The following CDIP1 variants were observed in gnomAD, a reference collection of about 807,000 sequenced individuals.
CDIP1 encodes the protein cell death inducing p53 target 1.
Under a neutral mutation model 17.7 loss-of-function variants are expected in CDIP1, and 9 were observed. The ratio of observed to expected loss-of-function variants is 0.51; its 90% CI spans 0.31 to 0.89. The LOEUF (loss-of-function observed/expected upper bound fraction) is 0.89, where lower values mean the gene tolerates loss of function less well. Among genes scored for constraint, CDIP1 ranks in the 40% least tolerant of loss-of-function variants. CDIP1 has a pLI of 0.05. For synonymous variants in CDIP1, 117 were observed against 109.5 expected (o/e 1.07, Z -0.43); for missense variants, 263 against 277.9 (o/e 0.95, Z 0.38).
At chr16:4,525,652 G>C (rs994264582) in intron 1 of CDIP1, among the ~76,000 whole-genome samples, 3 of 152,194 alleles carry the variant, frequency 2.0e-5, no homozygotes, top group Non-Finnish European at 4.4e-5. Context: ...GCTGACCAGA[G>C]GGACCCTATT....
Position 4,514,147 on chromosome 16 carries a change from G to T in CDIP1, c.-14-3C>A. The T allele has an allele frequency of 1.3e-6, 2 of 1,501,216 alleles. No individual in the cohort carries two copies. The highest frequency in any genetic ancestry group is 1.8e-6 in the Non-Finnish European group (2 of 1,121,598). The allele number at this position is 1,501,216 out of a possible 1,614,324, so 93.0% of individuals were successfully genotyped here. A position where few individuals can be genotyped will look rare whatever the true frequency, so the allele number is the denominator to read the frequency against. On this transcript the variant is annotated splice_polypyrimidine_tract_variant and splice_region_variant and intron_variant, in intron 2 of 5. Coordinates refer to ENST00000567695, the MANE Select transcript of CDIP1 (RefSeq NM_013399.3). This position sits in a 1 kb window ranked among gnomAD's most constrained non-coding sequence, Gnocchi z 5.2. ...GCTGGACATCTTCGCTGCTTCTCCT[G>T]GACATGGAGGGAAAACCCAGACATG...
At chr16:4,518,244 G>C (rs2058908326) in intron 1 of CDIP1, among the ~76,000 whole-genome samples, 1 of 152,240 alleles carries the variant, frequency 6.6e-6, no homozygotes, top group African/African-American at 2.4e-5. Context: ...AAAGTCAACA[G>C]ATATAATCCT....
intron 1 of CDIP1, among the ~76,000 whole-genome samples, chr16:4,523,323 G>T (rs1040732244): frequency 3.9e-5 from 6 of 152,204 alleles, no homozygotes; most frequent in African/African-American, 1.4e-4. Context: ...AGACCATCCT[G>T]GCCAACACGG....
intron 1 of CDIP1, among the ~76,000 whole-genome samples, chr16:4,521,821 T>C (rs1302252785): frequency 6.6e-6 from 1 of 151,636 alleles, no homozygotes; most frequent in Non-Finnish European, 1.5e-5. Flanking sequence ...TCTTCCTCTG[T>C]AAACAGAGAT....
chr16:4,513,769 C>A lies in CDIP1; in HGVS notation c.168G>T (p.Pro56=). The change falls in exon 4 of 6, where the codon CCG becomes CCT. Residue 56 remains proline, a synonymous_variant. Transcript: ENST00000567695. This position sits in a 1 kb window ranked among gnomAD's most constrained non-coding sequence, Gnocchi z 4.1. ...PADIGPPPYE[P]PGHPMPQPGF... is the part of the protein sequence containing the mutation. ...CAGGCTGGGGCATTGGGTGACCCGG[C>A]GGCTCATAGGGTGGGGGGCCAATGT... 6.2e-7 allele frequency: 1 copy of A among 1,611,698 alleles called. No homozygotes were observed. Among genetic ancestry groups the A allele is most frequent in the South Asian group, 1.1e-5 (1 of 90,890 alleles).
intron 1 of CDIP1, among the ~76,000 whole-genome samples, chr16:4,533,873 C>G (rs1440687290): frequency 6.6e-6 from 1 of 152,116 alleles, no homozygotes; most frequent in Non-Finnish European, 1.5e-5. Flanking sequence ...ATTGTTGGGC[C>G]CTGCTTGGTG....
intron 1 of CDIP1, chr16:4,533,107 G>C (rs996082442): frequency 2.0e-5 from 3 of 152,248 alleles, no homozygotes; most frequent in Non-Finnish European, 2.9e-5. Context: ...CAAGACAAGT[G>C]ACACTTGAGA....
chr16:4,526,630 G>T (rs1312885102), intron 1 of CDIP1, among the ~76,000 whole-genome samples: 2 of 151,616 alleles, frequency 1.3e-5, no homozygotes, highest in Non-Finnish European at 2.9e-5. Flanking sequence ...AACCCGGGAG[G>T]CGGAGCTTGC....
At position 4,514,462 on chromosome 16, in the gene CDIP1, C is replaced by T. The variant is rs2058868474; in HGVS notation, c.-15+113G>A. On this transcript the variant is annotated intron_variant, in intron 2 of 5. Coordinates refer to ENST00000567695, the MANE Select transcript of CDIP1 (RefSeq NM_013399.3). The surrounding 1 kb of genome is among the most constrained non-coding windows in gnomAD (Gnocchi z 5.2). ...TGCCCCACACGAGAGCAGTTTGGCA[C>T]CGAGCTCTCCCCTCCCCAAACGTTT... 6.3e-6 allele frequency: 2 copies of T among 315,706 alleles called. No individual in the cohort carries two copies. The highest frequency in any genetic ancestry group is 1.2e-5 in the Non-Finnish European group (2 of 173,454). 19.6% of individuals were successfully genotyped at this position (315,706 alleles called of 1,614,324 possible). A position where few individuals can be genotyped will look rare whatever the true frequency, so the allele number is the denominator to read the frequency against.
chr16:4,537,731 C>T (rs1217380661), intron 1 of CDIP1, among the ~76,000 whole-genome samples: 1 of 152,232 alleles, frequency 6.6e-6, no homozygotes, highest in Non-Finnish European at 1.5e-5. Context: ...TTCCCAAGAG[C>T]CCCAGGTGGT....
At chr16:4,534,826 C>G (rs1213444016) in intron 1 of CDIP1, among the ~76,000 whole-genome samples, 2 of 151,184 alleles carry the variant, frequency 1.3e-5, no homozygotes, top group Non-Finnish European at 2.9e-5. Context: ...TCAACTGATT[C>G]TCCTGTCTCA....
chr16:4,528,849 C>T (rs112658830), intron 1 of CDIP1, among the ~76,000 whole-genome samples: 3 of 151,982 alleles, frequency 2.0e-5, no homozygotes, highest in African/African-American at 4.8e-5. Flanking sequence ...ATTAGCCAGG[C>T]GTGGTGGCGC....
Position 4,512,282 on chromosome 16 carries a change from G to C in CDIP1, c.*290C>G. The C allele has an allele frequency of 2.0e-6, 1 of 508,560 alleles. No individual in the cohort carries two copies. The allele number at this position is 508,560 out of a possible 1,614,324, so 31.5% of individuals were successfully genotyped here. ...AAACAGAGGCATCAGGACCCCAGCA[G>C]GAGACCCCTCCCAGCTTATCTTCCC... On this transcript the variant is annotated 3_prime_UTR_variant, in exon 6 of 6. Coordinates refer to ENST00000567695, the MANE Select transcript of CDIP1 (RefSeq NM_013399.3). This position sits in a 1 kb window ranked among gnomAD's most constrained non-coding sequence, Gnocchi z 4.6.
intron 1 of CDIP1, among the ~76,000 whole-genome samples, chr16:4,525,453 C>G (rs1018466036): frequency 7.9e-5 from 12 of 152,096 alleles, no homozygotes; most frequent in African/African-American, 2.2e-4. Flanking sequence ...ATGCAGGTGC[C>G]CAGCACAGGG....
At chr16:4,533,146 C>T (rs841231) in intron 1 of CDIP1, 49,071 of 152,158 alleles carry the variant, frequency 0.32, 8,455 homozygotes, top group Middle Eastern at 0.44. Flanking sequence ...ACAGGCAAGC[C>T]CAGCAGGAGC....
In CDIP1 at chr16:4,512,583, G is replaced by A; in HGVS notation, c.616C>T (p.Arg206Cys). The A allele has an allele frequency of 2.5e-6, 4 of 1,612,846 alleles. No individual in the cohort carries two copies. Among genetic ancestry groups the A allele is most frequent in the Non-Finnish European group, 3.4e-6 (4 of 1,178,898 alleles). ...GAGTCCCAGCTCCGTTAGCACAGGC[G>A]CTTGTACGTGTAGATGTAGGCTTTG... ...SCKAYIYTYK[R>C]LC The change falls in exon 6 of 6, where the codon CGC (arginine) becomes TGC (cysteine). Residue 206 changes from arginine to cysteine, a missense_variant. Physicochemically the swap from Arg to Cys is radical, Grantham distance 180. Coordinates refer to ENST00000567695, the MANE Select transcript of CDIP1 (RefSeq NM_013399.3). This position sits in a 1 kb window ranked among gnomAD's most constrained non-coding sequence, Gnocchi z 4.6.
At chr16:4,531,071 C>A (rs929381180) in intron 1 of CDIP1, among the ~76,000 whole-genome samples, 2 of 151,846 alleles carry the variant, frequency 1.3e-5, no homozygotes, top group Non-Finnish European at 2.9e-5. Flanking sequence ...CATCAGAGAC[C>A]AGGCTGGAGT....
chr16:4,530,178 G>A (rs77666378), intron 1 of CDIP1, among the ~76,000 whole-genome samples: 1,740 of 152,290 alleles, frequency 0.011, 37 homozygotes, highest in African/African-American at 0.04. Flanking sequence ...AGCGCTCTAG[G>A]AACTGAGAGT....
At chr16:4,522,840 G>A (rs966168461) in intron 1 of CDIP1, among the ~76,000 whole-genome samples, 15 of 152,342 alleles carry the variant, frequency 9.8e-5, no homozygotes, top group Admixed American at 8.5e-4. Flanking sequence ...CAGGCCTGAA[G>A]GGGACCCTTC....
Sources: gnomAD v4.1 joint callset for allele counts (sites outside exome capture counted in the v4.1 genomes callset) on GRCh38, gnomAD v4.1.1 for gene constraint, Gnocchi (gnomAD v3.1) non-coding constraint, MANE v1.5 for transcripts, NCBI Gene and HGNC (gene_info 2026-07-23, HGNC 2026-07-21) for gene names.